The following LRP1B variants were observed in gnomAD, a reference collection of about 807,000 sequenced individuals.
The protein encoded by LRP1B is LDL receptor related protein 1B.
Under a neutral mutation model 556.6 loss-of-function variants are expected in LRP1B, and 217 were observed. The observed-to-expected ratio is 0.39, with a 90% CI of 0.35 to 0.44. The LOEUF (loss-of-function observed/expected upper bound fraction) is 0.44, where lower values mean the gene tolerates loss of function less well. Ranked by LOEUF, LRP1B falls within the 20% of genes least tolerant of loss-of-function variation. The pLI is 1.00. For synonymous variants in LRP1B, 2,047 were observed against 1,865.8 expected (o/e 1.10, Z -2.50); for missense variants, 5,053 against 5,620.8 (o/e 0.90, Z 3.23).
rs530792730 is a variant in LRP1B at position 141,079,929 on chromosome 2, A to G, written c.1014-17656T>C. Among the ~76,000 whole-genome samples, 4 of 152,370 alleles carry G rather than the reference A, an allele frequency of 2.6e-5. No individual in the cohort carries two copies. In the South Asian group the frequency reaches 8.3e-4, roughly 32 times the overall value. On this transcript the variant is annotated intron_variant, in intron 7 of 90. Transcript: ENST00000389484. ...TGTGGAATAATCCTAGATATAAATC[A>G]TGTCCAATTTTTAAAGGACTCGTTC...
intron 89 of LRP1B, among the ~76,000 whole-genome samples, chr2:140,236,937 A>T (rs187911208): frequency 5.3e-5 from 8 of 150,244 alleles, no homozygotes; most frequent in African/African-American, 2.0e-4. Context: ...GTGTTTTGTT[A>T]TGTTTTTATA....
intron 43 of LRP1B, among the ~76,000 whole-genome samples, chr2:140,557,258 T>C (rs1680767555): frequency 6.6e-6 from 1 of 152,118 alleles, no homozygotes; most frequent in South Asian, 2.1e-4. Flanking sequence ...ATTTGGAAAA[T>C]GTTGTTTATT....
intron 2 of LRP1B, among the ~76,000 whole-genome samples, chr2:141,666,999 G>A (rs1690464923): frequency 6.6e-6 from 1 of 151,754 alleles, no homozygotes; most frequent in East Asian, 1.9e-4. Context: ...TTAACTGAGT[G>A]TTTCCTAGCT....
At chr2:141,627,672 C>T (rs2105345083) in intron 2 of LRP1B, among the ~76,000 whole-genome samples, 1 of 152,162 alleles carries the variant, frequency 6.6e-6, no homozygotes, top group East Asian at 1.9e-4. Context: ...TCTCCTCCAC[C>T]CCTGGTCCAT....
chr2:141,727,215 C>T (rs1693072816), intron 2 of LRP1B, among the ~76,000 whole-genome samples: 1 of 152,022 alleles, frequency 6.6e-6, no homozygotes, highest in African/African-American at 2.4e-5. Flanking sequence ...CCTTAAGAAC[C>T]ACACCTATAT....
chr2:142,056,879 T>C (rs1261834491), intron 1 of LRP1B, among the ~76,000 whole-genome samples: 2 of 151,290 alleles, frequency 1.3e-5, no homozygotes, highest in Non-Finnish European at 2.9e-5. Context: ...ATCTATTTTA[T>C]ATTTAATATC....
intron 6 of LRP1B, among the ~76,000 whole-genome samples, chr2:141,218,597 A>G (rs1292010586): frequency 2.0e-5 from 3 of 152,220 alleles, no homozygotes; most frequent in Admixed American, 2.0e-4. Flanking sequence ...ACACAAAGAC[A>G]TAAGTATGGC....
Position 140,517,915 on chromosome 2 carries a change from T to C in LRP1B, c.8027-904A>G, listed in dbSNP as rs545235692. Among the ~76,000 whole-genome samples, 273 of 152,102 alleles carry C rather than the reference T, an allele frequency of 1.8e-3. 1 individual carries two copies. The highest frequency in any genetic ancestry group is 6.4e-3 in the African/African-American group (264 of 41,512). ...TAATAGAGATGAGGTTTTACCATAC[T>C]GGTCAGGCTGGTCTTGAACTTCTGA... is the stretch of plus-strand genomic sequence containing the variant. On this transcript the variant is annotated intron_variant, in intron 49 of 90. Coordinates refer to ENST00000389484, the MANE Select transcript of LRP1B (RefSeq NM_018557.3).
chr2:141,064,766 A>G (rs1396573023), intron 7 of LRP1B, among the ~76,000 whole-genome samples: 1 of 151,966 alleles, frequency 6.6e-6, no homozygotes, highest in Non-Finnish European at 1.5e-5. Context: ...TTTCATTCCT[A>G]GGGCATTCTT....
chr2:141,381,345 T>A (rs1689635088), intron 3 of LRP1B, among the ~76,000 whole-genome samples: 1 of 147,342 alleles, frequency 6.8e-6, no homozygotes. Context: ...TCATCAGAAA[T>A]CATCCATCCA....
chr2:141,828,385 A>T (rs1356897233), intron 1 of LRP1B, among the ~76,000 whole-genome samples: 1 of 152,128 alleles, frequency 6.6e-6, no homozygotes, highest in Non-Finnish European at 1.5e-5. Context: ...TTTGATGGGC[A>T]GGTAGAATAT....
At chr2:140,782,348 C>T (rs1260869687) in intron 32 of LRP1B, among the ~76,000 whole-genome samples, 1 of 152,088 alleles carries the variant, frequency 6.6e-6, no homozygotes. Context: ...CTAAACGAGG[C>T]CCCATTAGGA....
chr2:140,966,051 A>G (rs527874761), intron 18 of LRP1B, among the ~76,000 whole-genome samples: 1 of 152,270 alleles, frequency 6.6e-6, no homozygotes, highest in South Asian at 2.1e-4. Flanking sequence ...ATGATTTATA[A>G]TCCATTGGGT....
intron 63 of LRP1B, among the ~76,000 whole-genome samples, chr2:140,446,849 T>G (rs1367238529): frequency 6.6e-6 from 1 of 151,872 alleles, no homozygotes; most frequent in Non-Finnish European, 1.5e-5. Flanking sequence ...ATTAAAAAAC[T>G]TATGTACAAA....
chr2:141,101,380 G>A (rs1441888582), intron 7 of LRP1B, among the ~76,000 whole-genome samples: 2 of 152,040 alleles, frequency 1.3e-5, no homozygotes, highest in South Asian at 2.1e-4. Context: ...AGCCACATGA[G>A]TCTATTATAC....
intron 66 of LRP1B, among the ~76,000 whole-genome samples, chr2:140,434,281 G>A (rs1686080364): frequency 6.6e-6 from 1 of 151,972 alleles, no homozygotes; most frequent in African/African-American, 2.4e-5. Context: ...TGTTGACCAG[G>A]CTGGTCTTGA....
chr2:141,888,915 T>A (rs1699202726), intron 1 of LRP1B, among the ~76,000 whole-genome samples: 1 of 152,144 alleles, frequency 6.6e-6, no homozygotes. Context: ...GCCAGGGATA[T>A]TTTCTTCAGG....
At chr2:140,969,102 G>A (rs535666361) in intron 18 of LRP1B, among the ~76,000 whole-genome samples, 25 of 152,212 alleles carry the variant, frequency 1.6e-4, no homozygotes, top group Admixed American at 3.3e-4. Flanking sequence ...TTTCTGTCTC[G>A]TTGATCTGTC....
At chr2:140,464,745 A>G (rs1042538395) in intron 60 of LRP1B, among the ~76,000 whole-genome samples, 5 of 152,190 alleles carry the variant, frequency 3.3e-5, no homozygotes, top group Non-Finnish European at 5.9e-5. Flanking sequence ...AGTACTTACT[A>G]TAAGAATTAT....
Sources: allele counts gnomAD v4.1 joint callset (sites outside exome capture counted in the v4.1 genomes callset), GRCh38; gene constraint gnomAD v4.1.1; transcripts MANE v1.5; gene names NCBI Gene and HGNC (gene_info 2026-07-23, HGNC 2026-07-21).